The following S100Z variants were observed in gnomAD, a reference collection of about 807,000 sequenced individuals.
The protein encoded by S100Z is S100 calcium binding protein Z.
In S100Z, 11 loss-of-function variants were observed where a neutral mutation model predicts 8.5. The observed-to-expected ratio is 1.30, with a 90% CI of 0.82 to 2.15. The LOEUF is 2.15. Among genes scored for constraint, S100Z ranks in the 30% most tolerant of loss-of-function variants. S100Z has a pLI of 0.00. For missense variants in S100Z, 126 were observed against 117.9 expected, an observed-to-expected ratio of 1.07 and a Z score of -0.32; for synonymous variants, 34 against 43.8, an observed-to-expected ratio of 0.78 and a Z score of 0.89.
rs1251089999 is a variant in S100Z at position 76,885,449 on chromosome 5, C to CG, written c.*2+7615_*2+7616insG. 1.7e-5 allele frequency among the ~76,000 whole-genome samples: 2 copies of CG among 117,808 alleles called. 1 individual carries two copies. Among genetic ancestry groups the CG allele is most frequent in the Non-Finnish European group, 3.5e-5 (2 of 56,398 alleles). 77.3% of individuals were successfully genotyped at this position (117,808 alleles called of 152,430 possible). On this transcript the variant is annotated intron_variant, in intron 4 of 4. Coordinates refer to ENST00000317593, the MANE Select transcript of S100Z (RefSeq NM_130772.4). ...GGAACAGGGTGGGAGGTGCTTGTCCCCAGGAAAGTGGGAACGGGGTGGGAG... is the reference window on the plus strand; with the variant it reads ...GGAACAGGGTGGGAGGTGCTTGTCCCGCAGGAAAGTGGGAACGGGGTGGGAG...
intron 4 of S100Z, among the ~76,000 whole-genome samples, chr5:76,888,567 G>A (rs557365436): frequency 1.3e-5 from 2 of 151,616 alleles, no homozygotes; most frequent in Admixed American, 1.3e-4. Flanking sequence ...TGGTAGAGAC[G>A]AGGTTTCACC....
the S100Z span, among the ~76,000 whole-genome samples, chr5:76,939,252 A>C: frequency 6.6e-6 from 1 of 151,138 alleles, no homozygotes; most frequent in Non-Finnish European, 1.5e-5. Flanking sequence ...TCCCGGGTTC[A>C]TGCCATTCTC....
At chr5:76,883,143 G>A (rs1168026811) in intron 4 of S100Z, among the ~76,000 whole-genome samples, 2 of 152,136 alleles carry the variant, frequency 1.3e-5, no homozygotes, top group African/African-American at 2.4e-5. Flanking sequence ...TTGGCATTGA[G>A]TGGGGTAAGG....
intron 1 of S100Z, among the ~76,000 whole-genome samples, chr5:76,858,315 G>A (rs1418100085): frequency 6.6e-6 from 1 of 152,146 alleles, no homozygotes; most frequent in East Asian, 1.9e-4. Context: ...CTGAGGTCAG[G>A]AGTTTAAGAC....
intron 1 of S100Z, among the ~76,000 whole-genome samples, chr5:76,864,897 TG>T (rs1751211668): frequency 6.6e-6 from 1 of 151,066 alleles, no homozygotes; most frequent in South Asian, 2.1e-4. Flanking sequence ...TTAGTAGAGA[TG>T]GCATTTCACC....
rs562225618 is a variant in S100Z at position 76,910,496 on chromosome 5, C to G, written c.*3-10221C>G. Among the ~76,000 whole-genome samples the G allele has an allele frequency of 3.3e-5, 5 of 152,248 alleles. No individual in the cohort carries two copies. In the South Asian group the frequency reaches 1.0e-3, roughly 32 times the overall value. ...AGAGAGGACAGAAAACAGAGCAGGCCAATCACCCGGGATGGCTTGTTATCA... is the reference window on the plus strand; with the variant it reads ...AGAGAGGACAGAAAACAGAGCAGGCGAATCACCCGGGATGGCTTGTTATCA... On this transcript the variant is annotated intron_variant, in intron 4 of 4. Coordinates refer to ENST00000317593, the MANE Select transcript of S100Z (RefSeq NM_130772.4).
chr5:76,883,215 G>T (rs897539103), intron 4 of S100Z, among the ~76,000 whole-genome samples: 2 of 152,060 alleles, frequency 1.3e-5, no homozygotes, highest in African/African-American at 4.8e-5. Flanking sequence ...GGGAGTAGAG[G>T]TATCCCATAC....
At chr5:76,897,180 C>T (rs906585236) in intron 4 of S100Z, among the ~76,000 whole-genome samples, 9 of 151,866 alleles carry the variant, frequency 5.9e-5, no homozygotes, top group African/African-American at 1.9e-4. Context: ...TGGCCGGGTG[C>T]GGTGGCTCAT....
chr5:76,939,150 A>AT, the S100Z span, among the ~76,000 whole-genome samples: 9 of 145,772 alleles, frequency 6.2e-5, no homozygotes, highest in Admixed American at 6.8e-5. Context: ...GGGGCTGCAA[A>AT]TTTTTTTTTT....
chr5:76,915,761 A>T (rs1744834902), intron 4 of S100Z, among the ~76,000 whole-genome samples: 1 of 152,238 alleles, frequency 6.6e-6, no homozygotes, highest in Non-Finnish European at 1.5e-5. Context: ...GATTAAAAAC[A>T]TGCCCTAATT....
intron 4 of S100Z, among the ~76,000 whole-genome samples, chr5:76,918,924 A>G (rs926982413): frequency 1.9e-4 from 29 of 152,204 alleles, no homozygotes; most frequent in African/African-American, 2.7e-4. Flanking sequence ...TCATAATGTC[A>G]TATAATTGGA....
chr5:76,930,981 G>T, the S100Z span, among the ~76,000 whole-genome samples: 1 of 152,198 alleles, frequency 6.6e-6, no homozygotes. Context: ...GGTCGGCAAA[G>T]TTAACAGCTT....
intron 4 of S100Z, among the ~76,000 whole-genome samples, chr5:76,892,195 C>G (rs1411589128): frequency 6.6e-6 from 1 of 152,134 alleles, no homozygotes; most frequent in African/African-American, 2.4e-5. Flanking sequence ...AATGGTGATA[C>G]AGTAAACATC....
intron 4 of S100Z, among the ~76,000 whole-genome samples, chr5:76,889,116 C>T (rs904842339): frequency 6.6e-6 from 1 of 152,214 alleles, no homozygotes; most frequent in Non-Finnish European, 1.5e-5. Flanking sequence ...CTCTAGCCAT[C>T]GCATGTAACT....
At chr5:76,854,634 T>C (rs1208394015) in intron 1 of S100Z, among the ~76,000 whole-genome samples, 2 of 152,198 alleles carry the variant, frequency 1.3e-5, no homozygotes, top group African/African-American at 4.8e-5. Context: ...CTGGAACTTA[T>C]ATTTAAAAGG....
At chr5:76,940,052 G>A in the S100Z span, among the ~76,000 whole-genome samples, 1 of 151,360 alleles carries the variant, frequency 6.6e-6, no homozygotes, top group Non-Finnish European at 1.5e-5. Context: ...AGCTACTTGG[G>A]AGGCTGAGGC....
At chr5:76,868,687 T>G (rs1404578086) in intron 1 of S100Z, among the ~76,000 whole-genome samples, 2 of 150,928 alleles carry the variant, frequency 1.3e-5, no homozygotes, top group African/African-American at 2.4e-5. Context: ...GCAATGGCAT[T>G]ATCTCGGCTC....
chr5:76,915,974 A>G (rs1744840335), intron 4 of S100Z, among the ~76,000 whole-genome samples: 1 of 152,150 alleles, frequency 6.6e-6, no homozygotes, highest in Admixed American at 6.5e-5. Context: ...CAGTCAGGCC[A>G]ACATGGTGAA....
chr5:76,932,315 A>G, the S100Z span, among the ~76,000 whole-genome samples: 3 of 152,176 alleles, frequency 2.0e-5, no homozygotes, highest in Admixed American at 1.3e-4. Flanking sequence ...TCAACAGCAC[A>G]AGATTTTTAT....
Sources: allele counts gnomAD v4.1 joint callset (sites outside exome capture counted in the v4.1 genomes callset), GRCh38; gene constraint gnomAD v4.1.1; transcripts MANE v1.5; gene names NCBI Gene and HGNC (gene_info 2026-07-23, HGNC 2026-07-21).